Variants in FGR observed in about 807,000 individuals in gnomAD.
The protein encoded by FGR is FGR proto-oncogene, Src family tyrosine kinase.
Under a neutral mutation model 63.2 loss-of-function variants are expected in FGR, and 26 were observed. The observed-to-expected ratio is 0.41, with a 90% CI of 0.30 to 0.57. The LOEUF (loss-of-function observed/expected upper bound fraction) is 0.57. Ranked by LOEUF, FGR falls within the 20% of genes least tolerant of loss-of-function variation. The pLI is 0.27. For missense variants in FGR, 511 were observed against 690.8 expected (o/e 0.74, Z 2.92); for synonymous variants, 286 against 277.7 (o/e 1.03, Z -0.30).
At position 27,627,454 on chromosome 1, in the gene FGR, A is replaced by G. The variant is rs2090039888; in HGVS notation, c.-76-2303T>C. Among the ~76,000 whole-genome samples, 3 of 150,810 alleles carry G rather than the reference A, an allele frequency of 2.0e-5. No homozygotes were observed. The East Asian group carries it at 6.0e-4, about 30-fold the overall frequency. ...TAGATGTGCATGCACATGAACACAC[A>G]CACACACACACACACACACACACAT... is the stretch of plus-strand genomic sequence containing the variant. On this transcript the variant is annotated intron_variant, in intron 1 of 12. Coordinates refer to ENST00000374005, the MANE Select transcript of FGR (RefSeq NM_005248.3).
At chr1:27,624,165 T>G (rs2089979998) in intron 2 of FGR, 2 of 466,510 alleles carry the variant, frequency 4.3e-6, no homozygotes, top group Non-Finnish European at 7.5e-6. Context: ...CATGTCTATA[T>G]CTCTGGGGCT....
rs546148653 is a variant in FGR at position 27,614,325 on chromosome 1, C to A, written c.1249+105G>T. The A allele has an allele frequency of 8.5e-6, 11 of 1,294,988 alleles. No individual in the cohort carries two copies. In the Admixed American group the frequency reaches 1.2e-4, roughly 14 times the overall value. The allele number at this position is 1,294,988 out of a possible 1,614,324, so 80.2% of individuals were successfully genotyped here. On this transcript the variant is annotated intron_variant, in intron 11 of 12. Coordinates refer to ENST00000374005, the MANE Select transcript of FGR (RefSeq NM_005248.3). The stretch of plus-strand genomic sequence containing the variant: ...CCTCTCATACTACATCAGGATGGGG[C>A]GACTCGGGCGACCTGGAGTGAGGAA...
chr1:27,612,091 A>C lies in FGR; in HGVS notation c.*823T>G, dbSNP rs746043732. 2 of 152,248 alleles carry C rather than the reference A, an allele frequency of 1.3e-5. No individual in the cohort carries two copies. Among genetic ancestry groups the C allele is most frequent in the African/African-American group, 2.4e-5 (1 of 41,448 alleles). 9.4% of individuals were successfully genotyped at this position (152,248 alleles called of 1,614,324 possible). On this transcript the variant is annotated 3_prime_UTR_variant, in exon 13 of 13. Transcript: ENST00000374005. ...AGCAACGAAGGGGACATTTTAATGT[A>C]TCTTCAGCTGCTTGTCTTCTAAACT... is the stretch of plus-strand genomic sequence containing the variant.
At chr1:27,619,504 C>A (rs1298425163) in intron 5 of FGR, among the ~76,000 whole-genome samples, 1 of 152,140 alleles carries the variant, frequency 6.6e-6, no homozygotes, top group East Asian at 1.9e-4. Flanking sequence ...TCCTATATAG[C>A]CTTAATGATC....
intron 11 of FGR, 118 bp from the exon 12 acceptor site, chr1:27,613,468 C>T (rs2089735584): frequency 2.6e-6 from 3 of 1,148,124 alleles, no homozygotes; most frequent in Non-Finnish European, 3.7e-6. Flanking sequence ...TTTGGGAGGC[C>T]AAGGCAGGCG....
At position 27,615,365 on chromosome 1, in the gene FGR, G is replaced by C; in HGVS notation, c.1018+69C>G. On this transcript the variant is annotated intron_variant, in intron 9 of 12. Coordinates refer to ENST00000374005, the MANE Select transcript of FGR (RefSeq NM_005248.3). The surrounding 1 kb of genome is among the most constrained non-coding windows in gnomAD (Gnocchi z 7.6). ...TTGTCCCTCACAGATCGCGTCCCAG[G>C]TCCCACGCCTGAAAACTCCCCTCTT... is the stretch of plus-strand genomic sequence containing the variant. 6.6e-7 allele frequency: 1 copy of C among 1,517,070 alleles called. No homozygotes were observed. Among genetic ancestry groups the C allele is most frequent in the South Asian group, 1.2e-5 (1 of 82,178 alleles). 94.0% of individuals were successfully genotyped at this position (1,517,070 alleles called of 1,614,324 possible).
intron 1 of FGR, among the ~76,000 whole-genome samples, chr1:27,631,503 C>T (rs2090103816): frequency 1.3e-5 from 2 of 152,230 alleles, no homozygotes. Flanking sequence ...GCCTGCCTGA[C>T]AACTAGCTTA....
Position 27,617,030 on chromosome 1 carries a change from C to T in FGR, c.533-24G>A, listed in dbSNP as rs968501141. 4.3e-6 allele frequency: 7 copies of T among 1,613,774 alleles called. No individual in the cohort carries two copies. Among genetic ancestry groups the T allele is most frequent in the South Asian group, 3.3e-5 (3 of 91,064 alleles). Reference sequence around the variant, plus strand: ...ACCTGTGGAGAGGATCACTTTTGATCTGCTGTTCTCCTCTGCCCTAGTCTG... The same window carrying T: ...ACCTGTGGAGAGGATCACTTTTGATTTGCTGTTCTCCTCTGCCCTAGTCTG... On this transcript the variant is annotated intron_variant, in intron 6 of 12. Transcript: ENST00000374005. This position sits in a 1 kb window ranked among gnomAD's most constrained non-coding sequence, Gnocchi z 4.5.
chr1:27,632,492 T>G (rs528485874), intron 1 of FGR, among the ~76,000 whole-genome samples: 58 of 152,198 alleles, frequency 3.8e-4, no homozygotes, highest in Admixed American at 8.5e-4. Context: ...CGAAACTGCC[T>G]CCTGAAGAAG....
rs760070174 is a variant in FGR, at chr1:27,623,718, C to A, written c.199G>T (p.Asp67Tyr). Residue 67 changes from aspartate (D) to tyrosine (Y), a missense_variant, in exon 3 of 13, where the codon GAT becomes TAT. By Grantham distance (160) the Asp-to-Tyr change is radical. Transcript: ENST00000374005. Reference sequence around the variant, plus strand: ...GACACACCCCTGATGGTGCCACTATCAAGGAAGCCAGGGTTGATGGCCTGA... The same window carrying A: ...GACACACCCCTGATGGTGCCACTATAAAGGAAGCCAGGGTTGATGGCCTGA... ...SSQAINPGFL[D>Y]SGTIRGVSGI... 2.5e-6 allele frequency: 4 copies of A among 1,614,198 alleles called. No homozygotes were observed. Among genetic ancestry groups the A allele is most frequent in the Admixed American group, 3.3e-5 (2 of 60,020 alleles).
intron 2 of FGR, among the ~76,000 whole-genome samples, chr1:27,624,476 T>G (rs1176660980): frequency 6.6e-6 from 1 of 152,192 alleles, no homozygotes; most frequent in Non-Finnish European, 1.5e-5. Context: ...TGATATGTTG[T>G]GTTTCTGTGA....
chr1:27,633,233 G>A (rs550659327), intron 1 of FGR, among the ~76,000 whole-genome samples: 9 of 152,262 alleles, frequency 5.9e-5, no homozygotes, highest in East Asian at 3.9e-4. Flanking sequence ...CATCAGAGAC[G>A]AGATGTCCTG....
At chr1:27,634,571 CGTT>C (rs1425662068) in intron 1 of FGR, among the ~76,000 whole-genome samples, 5 of 152,136 alleles carry the variant, frequency 3.3e-5, no homozygotes, top group African/African-American at 1.2e-4. Context: ...CTCCAGAAGT[CGTT>C]CTCCTCAACC....
rs778126695 is a variant in FGR, at chr1:27,615,620, G to A, written c.839-7C>T. ...GTGCTGCCGTTCCACGTGCCTGCTC[G>A]GAGGCTGTCTTGTCAGGACCCTCTC... On this transcript the variant is annotated splice_region_variant and splice_polypyrimidine_tract_variant and intron_variant, in intron 8 of 12. Transcript: ENST00000374005. This position sits in a 1 kb window ranked among gnomAD's most constrained non-coding sequence, Gnocchi z 7.6. The A allele has an allele frequency of 1.9e-6, 3 of 1,603,498 alleles. No individual in the cohort carries two copies. Among genetic ancestry groups the A allele is most frequent in the Admixed American group, 3.3e-5 (2 of 59,756 alleles).
At chr1:27,622,660 C>G (rs994108451) in intron 4 of FGR, among the ~76,000 whole-genome samples, 19 of 152,140 alleles carry the variant, frequency 1.2e-4, no homozygotes, top group African/African-American at 4.3e-4. Flanking sequence ...CATGCGCCAC[C>G]ATGCCCTGCT....
chr1:27,626,920 A>T (rs925127633), intron 1 of FGR, among the ~76,000 whole-genome samples: 1 of 152,084 alleles, frequency 6.6e-6, no homozygotes, highest in African/African-American at 2.4e-5. Context: ...CTATCCCAGG[A>T]CTTTGGTAGG....
rs779407504 is a variant in FGR at position 27,621,560 on chromosome 1, C to A, written c.427G>T (p.Glu143Ter). The change falls in exon 5 of 13, where the codon GAG becomes TAG. Residue 143 changes from glutamate to a stop codon, truncating the protein, a stop_gained and splice_region_variant. Transcript: ENST00000374005. LOFTEE classifies it high-confidence loss of function. ...VAPVDSIQAE[E>*]WYFGKIGRKD... The stretch of plus-strand genomic sequence containing the variant: ...GGTCTTGCCCCAATCCCTACTTACT[C>A]TTCAGCTTGGATTGAGTCAACAGGG... 1 of 1,613,056 alleles carries A rather than the reference C, an allele frequency of 6.2e-7. No individual in the cohort carries two copies. The highest frequency in any genetic ancestry group is 8.5e-7 in the Non-Finnish European group (1 of 1,179,182).
intron 4 of FGR, among the ~76,000 whole-genome samples, chr1:27,622,134 A>G (rs1035808199): frequency 1.3e-5 from 2 of 152,128 alleles, no homozygotes; most frequent in African/African-American, 4.8e-5. Flanking sequence ...CAACATGGTG[A>G]AACCCTATCT....
In FGR at chr1:27,623,100, G is replaced by C; in HGVS notation, c.271C>G (p.Arg91Gly). ...LFIALYDYEARTEDDLTFTKG... is the reference protein window; with the variant it reads ...LFIALYDYEAGTEDDLTFTKG... ...GTGAAGGTGAGGTCATCCTCAGTTC[G>C]AGCCTCATAGTCATACAGGGCAATG... Residue 91 changes from arginine (R) to glycine (G), a missense_variant, in exon 4 of 13, where the codon CGA (arginine) becomes GGA (glycine). By Grantham distance (125) the Arg-to-Gly change is moderately radical (BLOSUM62 -2). Transcript: ENST00000374005. 6.2e-7 allele frequency: 1 copy of C among 1,614,102 alleles called. No individual in the cohort carries two copies. The highest frequency in any genetic ancestry group is 8.5e-7 in the Non-Finnish European group (1 of 1,179,976).
Sources: gnomAD v4.1 joint callset for allele counts (sites outside exome capture counted in the v4.1 genomes callset) on GRCh38, gnomAD v4.1.1 for gene constraint, Gnocchi (gnomAD v3.1) non-coding constraint, MANE v1.5 for transcripts, NCBI Gene and HGNC (gene_info 2026-07-23, HGNC 2026-07-21) for gene names.